The following CAPN14 variants were observed in gnomAD, a reference collection of about 807,000 sequenced individuals.
CAPN14 encodes calpain 14.
In CAPN14, 94 loss-of-function variants were observed where a neutral mutation model predicts 101.3. The observed-to-expected ratio is 0.93, with a 90% CI of 0.79 to 1.10. The LOEUF (loss-of-function observed/expected upper bound fraction) is 1.10. Among genes scored for constraint, CAPN14 ranks in the 50% least tolerant of loss-of-function variants. The probability of loss-of-function intolerance (pLI) is 0.00; values close to 1 mark genes in which losing one functional copy is unlikely to be tolerated. For missense variants in CAPN14, 837 were observed against 828.4 expected (o/e 1.01, Z -0.13); for synonymous variants, 338 against 317.9 (o/e 1.06, Z -0.67).
At chr2:31,176,684 T>A in intron 20 of CAPN14, 42 bp from the exon 21 acceptor site, 1 of 1,482,982 alleles carries the variant, frequency 6.7e-7, no homozygotes, top group Non-Finnish European at 9.2e-7. Flanking sequence ...AATGTGTCTA[T>A]TGGAAACATT....
intron 8 of CAPN14, among the ~76,000 whole-genome samples, chr2:31,195,641 G>C (rs892735977): frequency 6.6e-6 from 1 of 152,086 alleles, no homozygotes; most frequent in African/African-American, 2.4e-5. Flanking sequence ...CCAGCCAAAA[G>C]ACTTTATTGA....
chr2:31,211,387 G>C (rs951467578), intron 1 of CAPN14, among the ~76,000 whole-genome samples: 2 of 151,734 alleles, frequency 1.3e-5, no homozygotes, highest in Non-Finnish European at 2.9e-5. Flanking sequence ...AATTCAAGAA[G>C]GTCAATGAAT....
At chr2:31,203,632 A>G (rs2148692043) in intron 2 of CAPN14, among the ~76,000 whole-genome samples, 1 of 152,278 alleles carries the variant, frequency 6.6e-6, no homozygotes, top group South Asian at 2.1e-4. Context: ...GCGCGGACAC[A>G]GTTTCCCCAA....
chr2:31,178,671 T>A, intron 17 of CAPN14, 92 bp from the exon 18 acceptor site: 3 of 809,282 alleles, frequency 3.7e-6, no homozygotes, highest in Non-Finnish European at 5.7e-6. Flanking sequence ...ATGTGCAATT[T>A]GTGGATGGCC....
chr2:31,174,392 C>T lies in CAPN14; in HGVS notation c.*289G>A, dbSNP rs926453294. 1 of 549,516 alleles carries T rather than the reference C, an allele frequency of 1.8e-6. No homozygotes were observed. The highest frequency in any genetic ancestry group is 1.9e-5 in the African/African-American group (1 of 52,826). 34.0% of individuals were successfully genotyped at this position (549,516 alleles called of 1,614,324 possible). ...CCACACCAGCTCTGGAGTCAGAATGCTTAGGCCATGTCAGGTAACATCTCC... is the reference window on the plus strand; with the variant it reads ...CCACACCAGCTCTGGAGTCAGAATGTTTAGGCCATGTCAGGTAACATCTCC... On this transcript the variant is annotated 3_prime_UTR_variant, in exon 22 of 22. Transcript: ENST00000403897.
intron 17 of CAPN14, among the ~76,000 whole-genome samples, chr2:31,179,987 C>G (rs957978291): frequency 6.6e-6 from 1 of 152,176 alleles, no homozygotes; most frequent in Non-Finnish European, 1.5e-5. Context: ...TGGAAGGAGT[C>G]AGGCACACAG....
At chr2:31,175,410 G>T (rs1680240649) in intron 21 of CAPN14, among the ~76,000 whole-genome samples, 1 of 152,230 alleles carries the variant, frequency 6.6e-6, no homozygotes, top group Admixed American at 6.5e-5. Flanking sequence ...GAAGTGTTGT[G>T]GCTTCAACCC....
At chr2:31,228,944 G>A (rs1489080174) in intron 1 of CAPN14, among the ~76,000 whole-genome samples, 1 of 152,202 alleles carries the variant, frequency 6.6e-6, no homozygotes, top group Non-Finnish European at 1.5e-5. Context: ...GCATGTGCTG[G>A]GTTTGGAAGA....
At chr2:31,216,307 T>A (rs1354719767) in intron 1 of CAPN14, among the ~76,000 whole-genome samples, 57 of 152,174 alleles carry the variant, frequency 3.7e-4, no homozygotes, top group Admixed American at 3.7e-3. Flanking sequence ...GATAGTTACA[T>A]CAATTCCATT....
At chr2:31,185,264 G>C (rs1680847977) in intron 16 of CAPN14, among the ~76,000 whole-genome samples, 1 of 152,150 alleles carries the variant, frequency 6.6e-6, no homozygotes, top group Non-Finnish European at 1.5e-5. Context: ...CCTGTAACTG[G>C]ATAGAATTAT....
chr2:31,222,372 G>A (rs1682885767), upstream of CAPN14, among the ~76,000 whole-genome samples: 1 of 152,066 alleles, frequency 6.6e-6, no homozygotes, highest in South Asian at 2.1e-4. Context: ...TGCCCTCTCT[G>A]GAATTATGTG....
chr2:31,207,126 A>G (rs1266569129), intron 1 of CAPN14, among the ~76,000 whole-genome samples: 3 of 152,184 alleles, frequency 2.0e-5, no homozygotes, highest in African/African-American at 7.2e-5. Context: ...TACATGCCCT[A>G]AAAGTAACTC....
intron 8 of CAPN14, 66 bp from the exon 9 acceptor site, chr2:31,194,549 T>A: frequency 9.9e-7 from 1 of 1,007,910 alleles, no homozygotes; most frequent in Non-Finnish European, 1.5e-6. Context: ...GTAAAGGCTC[T>A]ATAGTGTCAT....
At chr2:31,181,387 T>TC (rs1680591215) in intron 16 of CAPN14, among the ~76,000 whole-genome samples, 4 of 91,534 alleles carry the variant, frequency 4.4e-5, no homozygotes, top group Non-Finnish European at 2.1e-5. Context: ...CTTTTCTTTT[T>TC]TTCTTTCTTT....
chr2:31,176,907 C>T (rs1451605896), intron 20 of CAPN14, 119 bp downstream of exon 20: 1 of 776,468 alleles, frequency 1.3e-6, no homozygotes, highest in South Asian at 1.7e-5. Context: ...CCCACAGCTT[C>T]CCTGGTCTGC....
intron 1 of CAPN14, among the ~76,000 whole-genome samples, chr2:31,208,865 AT>A (rs544401552): frequency 5.3e-4 from 80 of 152,312 alleles, no homozygotes; most frequent in African/African-American, 1.9e-3. Context: ...GGCTCGAGCT[AT>A]TTAAGAATGT....
chr2:31,202,163 CAG>C lies in CAPN14; in HGVS notation c.383_384del (p.Thr128ArgfsTer24). 1 of 1,551,922 alleles carries C rather than the reference CAG, an allele frequency of 6.4e-7. No individual in the cohort carries two copies. The highest frequency in any genetic ancestry group is 2.0e-5 in the Admixed American group (1 of 51,012). ...AACCGGAAGATGCCAGCATACTTCTCAGTGAAACTCTGATTCAGGGGAACAAC... is the reference window on the plus strand; with the variant it reads ...AACCGGAAGATGCCAGCATACTTCTCTGAAACTCTGATTCAGGGGAACAAC... ...SRVVPLNQSF[T>X]EKYAGIFRFW... On this transcript the variant is annotated frameshift_variant, in exon 4 of 22. Coordinates refer to ENST00000403897, the MANE Select transcript of CAPN14 (RefSeq NM_001145122.2). LOFTEE classifies it high-confidence loss of function.
chr2:31,217,350 C>G (rs534795815), intron 1 of CAPN14, 106 bp downstream of exon 1: 1 of 152,304 alleles, frequency 6.6e-6, no homozygotes, highest in South Asian at 2.1e-4. Context: ...AAGCTCAAAC[C>G]AGGAGAAGCA....
rs371263862 is a variant in CAPN14 at position 31,195,546 on chromosome 2, G to A, written c.876-1063C>T. 6.0e-4 allele frequency among the ~76,000 whole-genome samples: 92 copies of A among 152,128 alleles called. 1 individual carries two copies. Among genetic ancestry groups the A allele is most frequent in the African/African-American group, 1.5e-3 (62 of 41,504 alleles). The stretch of plus-strand genomic sequence containing the variant: ...GAGACGTGGTTTTACCATGTTGGCC[G>A]GGCTGGTCTTGAACTCCTGACCTTA... On this transcript the variant is annotated intron_variant, in intron 8 of 21. Coordinates refer to ENST00000403897, the MANE Select transcript of CAPN14 (RefSeq NM_001145122.2).
Sources: gnomAD v4.1 joint callset for allele counts (sites outside exome capture counted in the v4.1 genomes callset) on GRCh38, gnomAD v4.1.1 for gene constraint, MANE v1.5 for transcripts, NCBI Gene and HGNC (gene_info 2026-07-23, HGNC 2026-07-21) for gene names.